The following RARS1 variants were observed in gnomAD, a reference collection of about 807,000 sequenced individuals.
RARS1 encodes the protein arginyl-tRNA synthetase 1, also known as arginine--tRNA ligase, cytoplasmic.
RARS1 carries 75 observed loss-of-function variants against 78.7 expected under a neutral mutation model. That is an observed-to-expected ratio of 0.95 (90% confidence interval 0.79 to 1.15). The LOEUF is 1.15. Ranked by LOEUF, RARS1 falls within the 50% of genes most tolerant of loss-of-function variation. The probability of loss-of-function intolerance (pLI) is 0.00; values close to 1 mark genes in which losing one functional copy is unlikely to be tolerated. For missense variants in RARS1, 787 were observed against 787.5 expected, an observed-to-expected ratio of 1.00 and a Z score of 0.01; for synonymous variants, 273 against 268.2, an observed-to-expected ratio of 1.02 and a Z score of -0.18.
At chr5:168,518,135 G>A in intron 14 of RARS1, 73 bp downstream of exon 14, 1 of 1,337,774 alleles carries the variant, frequency 7.5e-7, no homozygotes, top group Non-Finnish European at 9.5e-7. Context: ...TTGGGCTGGA[G>A]TACGGTGGTG....
chr5:168,488,174 C>T (rs1446303366), intron 1 of RARS1: 1 of 384,524 alleles, frequency 2.6e-6, no homozygotes, highest in Non-Finnish European at 5.1e-6. Flanking sequence ...GTCAAGCAGA[C>T]TGGAGTGCAG....
intron 9 of RARS1, among the ~76,000 whole-genome samples, chr5:168,505,237 G>A (rs1430183640): frequency 1.3e-5 from 2 of 151,350 alleles, no homozygotes; most frequent in Non-Finnish European, 2.9e-5. Context: ...TATTTTGAAG[G>A]TTAAATTTAA....
chr5:168,505,502 G>C (rs1043873915), intron 9 of RARS1, among the ~76,000 whole-genome samples: 2 of 152,134 alleles, frequency 1.3e-5, no homozygotes, highest in Non-Finnish European at 2.9e-5. Context: ...CTTTCTCCAA[G>C]AGGAAGGTTA....
intron 12 of RARS1, among the ~76,000 whole-genome samples, chr5:168,516,186 G>A (rs1196173594): frequency 6.6e-6 from 1 of 151,820 alleles, no homozygotes; most frequent in African/African-American, 2.4e-5. Flanking sequence ...TGTTTCATAT[G>A]TTTAACCCAG....
intron 8 of RARS1, among the ~76,000 whole-genome samples, chr5:168,501,489 G>A (rs756208338): frequency 2.0e-5 from 3 of 152,144 alleles, no homozygotes; most frequent in East Asian, 1.9e-4. Flanking sequence ...TTGGGAGGCC[G>A]AGGCGGGTGG....
intron 12 of RARS1, 109 bp from the exon 13 acceptor site, chr5:168,516,669 G>T: frequency 9.6e-7 from 1 of 1,046,134 alleles, no homozygotes; most frequent in Non-Finnish European, 1.4e-6. Flanking sequence ...AAAGTTTATT[G>T]GTAAAAGAAT....
At chr5:168,518,208 C>T (rs1021184119) in intron 14 of RARS1, 146 bp downstream of exon 14, 25 of 1,021,102 alleles carry the variant, frequency 2.4e-5, no homozygotes, top group Middle Eastern at 3.6e-4. Context: ...TTGAGCCTCC[C>T]GAATGGCTGG....
intron 7 of RARS1, among the ~76,000 whole-genome samples, chr5:168,500,311 C>T (rs1341672564): frequency 2.0e-5 from 3 of 151,824 alleles, no homozygotes; most frequent in South Asian, 2.1e-4. Flanking sequence ...CTGTACTAAC[C>T]CTTGAACACA....
chr5:168,490,440 T>C (rs1378658593), intron 2 of RARS1, among the ~76,000 whole-genome samples: 1 of 152,318 alleles, frequency 6.6e-6, no homozygotes, highest in East Asian at 1.9e-4. Context: ...GTAGCTGGGA[T>C]GGAAGTACAG....
intron 11 of RARS1, 75 bp downstream of exon 11, chr5:168,506,906 A>G: frequency 8.3e-7 from 1 of 1,198,576 alleles, no homozygotes; most frequent in Non-Finnish European, 1.2e-6. Context: ...ATACCATATT[A>G]GAATTAAGAA....
intron 4 of RARS1, 181 bp downstream of exon 4, chr5:168,494,183 G>A (rs1235976567): frequency 2.1e-6 from 2 of 935,506 alleles, no homozygotes; most frequent in African/African-American, 1.8e-5. Context: ...ACCACTTTTA[G>A]CTGCCTTATC....
intron 1 of RARS1, among the ~76,000 whole-genome samples, 173 bp from the exon 2 acceptor site, chr5:168,488,429 A>G (rs553991347): frequency 1.6e-4 from 24 of 152,274 alleles, no homozygotes; most frequent in African/African-American, 5.1e-4. Context: ...TGCCTGGCCA[A>G]TATTTTCTTA....
chr5:168,488,182 C>A, intron 1 of RARS1: 1 of 382,768 alleles, frequency 2.6e-6, no homozygotes, highest in Non-Finnish European at 5.1e-6. Flanking sequence ...GACTGGAGTG[C>A]AGTGGCACGA....
At chr5:168,516,991 AAGCATATTT>A (rs1561829237) in intron 13 of RARS1, 41 bp downstream of exon 13, 4 of 1,572,950 alleles carry the variant, frequency 2.5e-6, no homozygotes, top group Admixed American at 1.8e-5. Flanking sequence ...AATCAAATGA[AAGCATATTT>A]AGTTACTCAA....
chr5:168,492,966 A>G, intron 3 of RARS1, 119 bp downstream of exon 3: 1 of 1,025,950 alleles, frequency 9.7e-7, no homozygotes. Context: ...CATTTGCCAC[A>G]GTTTGAAAAA....
chr5:168,508,978 G>C lies in RARS1; in HGVS notation c.1347-1603G>C, dbSNP rs146993729. On this transcript the variant is annotated intron_variant, in intron 11 of 14. Coordinates refer to ENST00000231572, the MANE Select transcript of RARS1 (RefSeq NM_002887.4). Reference sequence around the variant, plus strand: ...AGTTACTGACTTATTAGGTCTAAAGGGGGTATTAGGCATCTGTTTTTTTTT... The same window carrying C: ...AGTTACTGACTTATTAGGTCTAAAGCGGGTATTAGGCATCTGTTTTTTTTT... Among the ~76,000 whole-genome samples, 297 of 152,142 alleles carry C rather than the reference G, an allele frequency of 2.0e-3. 1 individual carries two copies. Among genetic ancestry groups the C allele is most frequent in the African/African-American group, 6.3e-3 (261 of 41,498 alleles).
Position 168,516,920 on chromosome 5 carries a change from C to T in RARS1, c.1595C>T (p.Ala532Val). Reference protein sequence around the residue: ...KMLDDRGNTAAYLLYAFTRIR... With the variant: ...KMLDDRGNTAVYLLYAFTRIR... ...CTAGATGACAGAGGAAATACAGCTG[C>T]TTACTTGTTGTATGCCTTCACTAGA... Residue 532 changes from alanine (A) to valine (V), a missense_variant, in exon 13 of 15, where the codon GCT becomes GTT. Physicochemically the swap from Ala to Val is moderately conservative, Grantham distance 64. Transcript: ENST00000231572. 1 of 1,614,016 alleles carries T rather than the reference C, an allele frequency of 6.2e-7. No homozygotes were observed. The highest frequency in any genetic ancestry group is 8.5e-7 in the Non-Finnish European group (1 of 1,179,974).
At chr5:168,504,347 A>T (rs1161561941) in intron 9 of RARS1, among the ~76,000 whole-genome samples, 1 of 151,898 alleles carries the variant, frequency 6.6e-6, no homozygotes, top group African/African-American at 2.4e-5. Flanking sequence ...AACATGGTGA[A>T]ACCCCGTGTC....
chr5:168,503,881 C>T (rs2161173), intron 9 of RARS1, among the ~76,000 whole-genome samples: 6 of 150,396 alleles, frequency 4.0e-5, no homozygotes, highest in African/African-American at 1.5e-4. Context: ...GGTCAGTCTG[C>T]GCAACATAGC....
Sources: allele counts gnomAD v4.1 joint callset (sites outside exome capture counted in the v4.1 genomes callset), GRCh38; gene constraint gnomAD v4.1.1; transcripts MANE v1.5; gene names NCBI Gene and HGNC (gene_info 2026-07-23, HGNC 2026-07-21).